Variants in OTUD4 observed in about 807,000 individuals in gnomAD.
OTUD4 encodes OTU domain-containing protein 4.
Under a neutral mutation model 130.4 loss-of-function variants are expected in OTUD4, and 24 were observed. The ratio of observed to expected loss-of-function variants is 0.18; its 90% CI spans 0.13 to 0.26. The LOEUF is 0.26. Among genes scored for constraint, OTUD4 ranks in the 10% least tolerant of loss-of-function variants. The pLI is 1.00. For synonymous variants in OTUD4, 420 were observed against 472.5 expected, an observed-to-expected ratio of 0.89 and a Z score of 1.44; for missense variants, 1,031 against 1,329.4, an observed-to-expected ratio of 0.78 and a Z score of 3.49.
chr4:145,178,837 A>T (rs1050067410), intron 1 of OTUD4, among the ~76,000 whole-genome samples: 4 of 152,222 alleles, frequency 2.6e-5, no homozygotes, highest in Admixed American at 6.5e-5. Flanking sequence ...GGTGAGGGAA[A>T]AGAAAACAGA....
At chr4:145,168,413 T>TAAAAAAAAAAAAAAAAAAAAAATTA (rs11432018) in intron 3 of OTUD4, among the ~76,000 whole-genome samples, 1 of 122,874 alleles carries the variant, frequency 8.1e-6, no homozygotes, top group Admixed American at 8.3e-5. Flanking sequence ...AATAAAAAAT[T>TAAAAAAAAAAAAAAAAAAAAAATTA]AAAAAAAAAA....
At chr4:145,158,857 T>G (rs1249910005) in intron 7 of OTUD4, among the ~76,000 whole-genome samples, 1 of 152,234 alleles carries the variant, frequency 6.6e-6, no homozygotes, top group East Asian at 1.9e-4. Flanking sequence ...ATCCTAATTT[T>G]AGAGTATTGG....
chr4:145,143,196 G>C (rs1395877038), intron 17 of OTUD4, among the ~76,000 whole-genome samples, 169 bp downstream of exon 17: 1 of 152,122 alleles, frequency 6.6e-6, no homozygotes, highest in African/African-American at 2.4e-5. Flanking sequence ...GAACATTCTA[G>C]ACTAACATCA....
At position 145,146,443 on chromosome 4, in the gene OTUD4, C is replaced by G. The variant is rs556912646; in HGVS notation, c.1260-14G>C. 1 of 1,398,808 alleles carries G rather than the reference C, an allele frequency of 7.1e-7. No homozygotes were observed. Among genetic ancestry groups the G allele is most frequent in the East Asian group, 2.7e-5 (1 of 37,702 alleles). The allele number at this position is 1,398,808 out of a possible 1,614,324, so 86.6% of individuals were successfully genotyped here. A position where few individuals can be genotyped will look rare whatever the true frequency, so the allele number is the denominator to read the frequency against. Reference sequence around the variant, plus strand: ...CGATCAGGTTTTCTGTCAAATAAAACATTCTTGTCAGAAAATACATAAATA... The same window carrying G: ...CGATCAGGTTTTCTGTCAAATAAAAGATTCTTGTCAGAAAATACATAAATA... On this transcript the variant is annotated splice_polypyrimidine_tract_variant and intron_variant, in intron 13 of 20. Coordinates refer to ENST00000447906, the MANE Select transcript of OTUD4 (RefSeq NM_001366057.1).
intron 7 of OTUD4, among the ~76,000 whole-genome samples, chr4:145,156,636 TCACACCACTG>T (rs1239384853): frequency 6.6e-6 from 1 of 150,770 alleles, no homozygotes; most frequent in Non-Finnish European, 1.5e-5. Context: ...TGAGCTGTGA[TCACACCACTG>T]CACTCCAGCC....
Position 145,135,739 on chromosome 4 carries a change from C to T in OTUD4, c.*1691G>A, listed in dbSNP as rs1750213202. The T allele has an allele frequency of 6.6e-6, 1 of 152,632 alleles. No individual in the cohort carries two copies. The highest frequency in any genetic ancestry group is 2.1e-4 in the South Asian group (1 of 4,836). 9.5% of individuals were successfully genotyped at this position (152,632 alleles called of 1,614,324 possible). ...TAATAAAATGTTATCTTTCAAAGTG[C>T]TCTCTAAAATCCTGTTACATTATCT... is the stretch of plus-strand genomic sequence containing the variant. On this transcript the variant is annotated 3_prime_UTR_variant, in exon 21 of 21. Transcript: ENST00000447906.
chr4:145,139,972 G>A lies in OTUD4; in HGVS notation c.2103C>T (p.Phe701=). ...ATACCTTCACACCAAGATTGAAGAA[G>A]AATCGAAGAATATTCTTATCTAAAA... ...DLPKDKNILR[F]FFNLGVKAYS... Residue 701 remains phenylalanine (F), a synonymous_variant, in exon 20 of 21, where the codon TTC becomes TTT. Coordinates refer to ENST00000447906, the MANE Select transcript of OTUD4 (RefSeq NM_001366057.1). 2.5e-6 allele frequency: 2 copies of A among 814,724 alleles called. No individual in the cohort carries two copies. The highest frequency in any genetic ancestry group is 3.2e-5 in the South Asian group (2 of 62,948). The allele number at this position is 814,724 out of a possible 1,614,324, so 50.5% of individuals were successfully genotyped here. A position where few individuals can be genotyped will look rare whatever the true frequency, so the allele number is the denominator to read the frequency against.
chr4:145,176,218 G>A (rs930003818), intron 1 of OTUD4, among the ~76,000 whole-genome samples: 1 of 150,948 alleles, frequency 6.6e-6, no homozygotes, highest in African/African-American at 2.4e-5. Flanking sequence ...TATTTAACAT[G>A]CTTAAAGGAG....
At chr4:145,159,387 G>T (rs1579269711) in intron 7 of OTUD4, 116 bp downstream of exon 7, 1 of 1,544,842 alleles carries the variant, frequency 6.5e-7, no homozygotes, top group East Asian at 2.4e-5. Flanking sequence ...TGTATTTTAT[G>T]AATACCATTA....
Position 145,150,825 on chromosome 4 carries a change from G to A in OTUD4, c.1049C>T (p.Thr350Ile), listed in dbSNP as rs764837440. 1.7e-5 allele frequency: 28 copies of A among 1,613,704 alleles called. No individual in the cohort carries two copies. The African/African-American group carries it at 3.7e-4, about 22-fold the overall frequency. The change falls in exon 12 of 21, where the codon ACT becomes ATT. Residue 350 changes from threonine to isoleucine, a missense_variant. Physicochemically the swap from Thr to Ile is moderately conservative, Grantham distance 89. Around this residue, in one of 3 missense-constraint regions of OTUD4, gnomAD observed 900 missense variants for 1,095.9 expected, o/e 0.82. Transcript: ENST00000447906. ...VSGKKMKKPS[T>I]SGQNFHSDVD... ...ACCAGAATGGAAATTTTGTCCAGAAGTGGAAGGTTTTTTCATCTTCTTCCC... is the reference window on the plus strand; with the variant it reads ...ACCAGAATGGAAATTTTGTCCAGAAATGGAAGGTTTTTTCATCTTCTTCCC...
At chr4:145,151,426 G>C (rs1751062788) in intron 11 of OTUD4, among the ~76,000 whole-genome samples, 1 of 152,126 alleles carries the variant, frequency 6.6e-6, no homozygotes, top group Non-Finnish European at 1.5e-5. Context: ...ACAAGGTCAG[G>C]GGTTCAAGAC....
rs36226997 is a variant in OTUD4, at chr4:145,138,381, T to C, written c.2394A>G (p.Pro798=). 421 of 1,614,096 alleles carry C rather than the reference T, an allele frequency of 2.6e-4. 1 individual carries two copies. The African/African-American group carries it at 5.3e-3, about 20-fold the overall frequency. The part of the protein sequence containing the change: ...PTFSSPLVIP[P]SQVSESHGQL... ...GTCCATGACTTTCAGACACCTGAGA[T>C]GGAGGGATAACCAGAGGTGAAGAAA... The change falls in exon 21 of 21, where the codon CCA becomes CCG. Residue 798 remains proline (P), a synonymous_variant. Coordinates refer to ENST00000447906, the MANE Select transcript of OTUD4 (RefSeq NM_001366057.1).
At chr4:145,178,635 G>A (rs1312968648) in intron 1 of OTUD4, 2 of 152,164 alleles carry the variant, frequency 1.3e-5, no homozygotes, top group East Asian at 1.9e-4. Context: ...CAATGACAAT[G>A]TCCGCAACAT....
rs775886147 is a variant in OTUD4 at position 145,159,540 on chromosome 4, T to C, written c.592A>G (p.Asn198Asp). The change falls in exon 7 of 21, where the codon AAC (asparagine) becomes GAC (aspartate). Residue 198 changes from asparagine (N) to aspartate (D), a missense_variant. Asn to Asp is a conservative substitution (Grantham distance 23). This residue lies in a region of OTUD4 where 900 missense variants were observed against 1,095.9 expected (regional missense o/e 0.82). Transcript: ENST00000447906. The stretch of plus-strand genomic sequence containing the variant: ...TCCTCTGAATCTGATATTTCACTGT[T>C]ATCTTCATCAGCTACTTCCAACGTG... The part of the protein sequence containing the change: ...LDTLEVADED[N>D]SEISDSEDDS... 2.5e-6 allele frequency: 4 copies of C among 1,613,548 alleles called. No individual in the cohort carries two copies. Among genetic ancestry groups the C allele is most frequent in the Admixed American group, 3.3e-5 (2 of 60,010 alleles).
At chr4:145,159,124 C>T in intron 7 of OTUD4, 1 of 1,041,456 alleles carries the variant, frequency 9.6e-7, no homozygotes, top group South Asian at 3.4e-5. Flanking sequence ...AGAAAGAAAA[C>T]AATAAAAGAA....
chr4:145,144,146 TAAC>T lies in OTUD4; in HGVS notation c.1547-148_1547-146del, dbSNP rs906181438. ...AAAATGTAGTTTTTAGAATAGCACTTAACATCCTTTAGCTTGAGTCAATACTTC... is the reference window on the plus strand; with the variant it reads ...AAAATGTAGTTTTTAGAATAGCACTTATCCTTTAGCTTGAGTCAATACTTC... On this transcript the variant is annotated intron_variant, in intron 15 of 20. Coordinates refer to ENST00000447906, the MANE Select transcript of OTUD4 (RefSeq NM_001366057.1). 4 of 1,019,278 alleles carry T rather than the reference TAAC, an allele frequency of 3.9e-6. No individual in the cohort carries two copies. In the African/African-American group the frequency reaches 4.8e-5, roughly 12 times the overall value. The allele number at this position is 1,019,278 out of a possible 1,614,324, so 63.1% of individuals were successfully genotyped here.
intron 6 of OTUD4, among the ~76,000 whole-genome samples, chr4:145,161,885 C>T (rs1209743899): frequency 6.6e-6 from 1 of 152,122 alleles, no homozygotes; most frequent in Non-Finnish European, 1.5e-5. Context: ...ATCTTTATTA[C>T]CAAAATGATT....
chr4:145,167,070 G>A (rs1454293507), intron 3 of OTUD4, among the ~76,000 whole-genome samples: 1 of 152,122 alleles, frequency 6.6e-6, no homozygotes, highest in East Asian at 1.9e-4. Context: ...AATAGAGACA[G>A]GGAAGTTAAC....
intron 2 of OTUD4, among the ~76,000 whole-genome samples, chr4:145,172,921 T>C (rs1399163326): frequency 6.6e-6 from 1 of 152,198 alleles, no homozygotes; most frequent in African/African-American, 2.4e-5. Flanking sequence ...GAGAGTCTCC[T>C]TTCTGAGCAG....
Sources: allele counts gnomAD v4.1 joint callset (sites outside exome capture counted in the v4.1 genomes callset), GRCh38; gene constraint gnomAD v4.1.1; regional missense constraint gnomAD v4.1.1; transcripts MANE v1.5; gene names NCBI Gene and HGNC (gene_info 2026-07-23, HGNC 2026-07-21).